The following IPO11 variants were observed in gnomAD, a reference collection of about 807,000 sequenced individuals.
IPO11 encodes importin-11.
A neutral mutation model predicts 143.2 loss-of-function variants in IPO11; 66 were observed. The ratio of observed to expected loss-of-function variants is 0.46; its 90% CI spans 0.38 to 0.57. IPO11 has a LOEUF of 0.57. Ranked by LOEUF, IPO11 falls within the 20% of genes least tolerant of loss-of-function variation. The pLI is 0.00. For synonymous variants in IPO11, 385 were observed against 377.8 expected (o/e 1.02, Z -0.22); for missense variants, 1,026 against 1,141.0 (o/e 0.90, Z 1.45).
At chr5:62,561,289 T>C in intron 27 of IPO11, 32 bp downstream of exon 27, 1 of 1,220,820 alleles carries the variant, frequency 8.2e-7, no homozygotes, top group Non-Finnish European at 1.1e-6. Context: ...ATTTGTTTCT[T>C]TCAAGCATCA....
At chr5:62,430,903 C>T (rs904689804) in intron 1 of IPO11, among the ~76,000 whole-genome samples, 1 of 151,862 alleles carries the variant, frequency 6.6e-6, no homozygotes, top group Non-Finnish European at 1.5e-5. Context: ...TTCTTGAACT[C>T]CTGACCTCAG....
intron 28 of IPO11, chr5:62,601,330 G>A (rs995963338): frequency 6.5e-6 from 1 of 152,916 alleles, no homozygotes; most frequent in African/African-American, 2.4e-5. Context: ...ACACAAGGTA[G>A]ATTGTTACAT....
At chr5:62,515,579 A>T (rs535175888) in intron 20 of IPO11, 78 bp downstream of exon 20, 1 of 828,542 alleles carries the variant, frequency 1.2e-6, no homozygotes, top group Non-Finnish European at 1.8e-6. Flanking sequence ...AATTGTTTTT[A>T]TGTGATTTAT....
intron 20 of IPO11, among the ~76,000 whole-genome samples, chr5:62,523,806 G>A (rs1009567830): frequency 6.6e-6 from 1 of 152,138 alleles, no homozygotes; most frequent in Non-Finnish European, 1.5e-5. Context: ...TCAGAGAGTT[G>A]TTGTAGATAT....
Position 62,551,287 on chromosome 5 carries a change from G to GT in IPO11, c.2419dup (p.Ser807PhefsTer5). 25 of 1,608,968 alleles carry GT rather than the reference G, an allele frequency of 1.6e-5. No homozygotes were observed. The highest frequency in any genetic ancestry group is 1.7e-5 in the Non-Finnish European group (20 of 1,176,862). ...GGTCGAGTTCTACTACAAAACACTA[G>GT]TTTTTTTTCTTCACTACTTAATGAG... is the stretch of plus-strand genomic sequence containing the variant. On this transcript the variant is annotated frameshift_variant, in exon 26 of 30. Coordinates refer to ENST00000325324, the MANE Select transcript of IPO11 (RefSeq NM_016338.5). LOFTEE classifies it high-confidence loss of function.
At chr5:62,435,178 A>ATATGTATATATATGTATATATATG (rs1222515440) in intron 1 of IPO11, among the ~76,000 whole-genome samples, 8 of 75,984 alleles carry the variant, frequency 1.1e-4, no homozygotes, top group African/African-American at 3.5e-4. Context: ...ATATGTATAT[A>ATATGTATATATATGTATATATATG]TGTATATATA....
At chr5:62,488,714 G>A (rs1199285665) in intron 13 of IPO11, among the ~76,000 whole-genome samples, 2 of 152,160 alleles carry the variant, frequency 1.3e-5, no homozygotes, top group African/African-American at 2.4e-5. Flanking sequence ...TTGTCAGAAT[G>A]AGTGTTGGCC....
intron 20 of IPO11, among the ~76,000 whole-genome samples, chr5:62,522,421 A>C (rs1052123986): frequency 6.6e-6 from 1 of 151,994 alleles, no homozygotes; most frequent in Admixed American, 6.5e-5. Context: ...AGTAGCTGGG[A>C]CTACAGGCAT....
Position 62,458,138 on chromosome 5 carries a change from C to G in IPO11, c.516+6205C>G, listed in dbSNP as rs530186152. Among the ~76,000 whole-genome samples, 70 of 135,332 alleles carry G rather than the reference C, an allele frequency of 5.2e-4. 1 individual carries two copies. The highest frequency in any genetic ancestry group is 1.9e-3 in the African/African-American group (67 of 35,784). 88.8% of individuals were successfully genotyped at this position (135,332 alleles called of 152,430 possible). On this transcript the variant is annotated intron_variant, in intron 5 of 29. Coordinates refer to ENST00000325324, the MANE Select transcript of IPO11 (RefSeq NM_016338.5). ...CTCCAGCCTGGGCGACAGAGCGAGA[C>G]TCTGTCTCAAAAAAAAAAAAAAAAA... is the stretch of plus-strand genomic sequence containing the variant.
Position 62,449,991 on chromosome 5 carries a change from A to T in IPO11, c.304A>T (p.Ile102Leu). Reference protein sequence around the residue: ...AGLITNFNEPINQIATQIAVL... With the variant: ...AGLITNFNEPLNQIATQIAVL... ...GCTCATCACCAACTTCAATGAACCA[A>T]TAAACCAGGTTAGTGAGAAATGAAT... Residue 102 changes from isoleucine to leucine, a missense_variant, in exon 4 of 30, where the codon ATA becomes TTA. Coordinates refer to ENST00000325324, the MANE Select transcript of IPO11 (RefSeq NM_016338.5). 1 of 1,596,656 alleles carries T rather than the reference A, an allele frequency of 6.3e-7. No individual in the cohort carries two copies. The highest frequency in any genetic ancestry group is 8.5e-7 in the Non-Finnish European group (1 of 1,172,522).
intron 28 of IPO11, among the ~76,000 whole-genome samples, chr5:62,598,418 T>TTCTTTCTCTCTC: frequency 1.1e-4 from 1 of 9,412 alleles, no homozygotes; most frequent in Non-Finnish European, 1.6e-4. Context: ...CTTTCTTTCT[T>TTCTTTCTCTCTC]TCTTTCTTTC....
At chr5:62,488,465 A>G (rs1265861060) in intron 13 of IPO11, among the ~76,000 whole-genome samples, 1 of 152,220 alleles carries the variant, frequency 6.6e-6, no homozygotes, top group Non-Finnish European at 1.5e-5. Context: ...TGTGCTAGGC[A>G]AGGAAAAGTG....
chr5:62,450,616 G>T (rs181784), intron 4 of IPO11, among the ~76,000 whole-genome samples: 13,661 of 147,602 alleles, frequency 0.093, 666 homozygotes, highest in East Asian at 0.15. Context: ...TACTGCACAA[G>T]AATTAATTTT....
intron 16 of IPO11, among the ~76,000 whole-genome samples, chr5:62,500,112 C>T (rs1741298546): frequency 6.6e-6 from 1 of 152,170 alleles, no homozygotes; most frequent in African/African-American, 2.4e-5. Context: ...TGATGAAACC[C>T]TGTCTCCACA....
intron 19 of IPO11, among the ~76,000 whole-genome samples, chr5:62,510,233 T>G (rs1741698197): frequency 6.6e-6 from 1 of 152,196 alleles, no homozygotes; most frequent in South Asian, 2.1e-4. Flanking sequence ...ACCTTTGTAT[T>G]ATAATCTTAT....
intron 19 of IPO11, among the ~76,000 whole-genome samples, chr5:62,513,533 G>GGT: frequency 6.9e-6 from 1 of 145,030 alleles, no homozygotes; most frequent in African/African-American, 2.5e-5. Context: ...GGCTGGCCGG[G>GGT]CGGGGGGCTG....
At chr5:62,486,268 C>T (rs954167987) in intron 12 of IPO11, among the ~76,000 whole-genome samples, 1 of 152,196 alleles carries the variant, frequency 6.6e-6, no homozygotes, top group African/African-American at 2.4e-5. Flanking sequence ...GCGTGAGCCA[C>T]TGTGCCTGGC....
intron 13 of IPO11, among the ~76,000 whole-genome samples, chr5:62,488,749 T>A (rs1391896033): frequency 1.3e-5 from 2 of 152,188 alleles, no homozygotes; most frequent in African/African-American, 4.8e-5. Flanking sequence ...ACGCCTGTAA[T>A]TCCAGCACTT....
intron 3 of IPO11, among the ~76,000 whole-genome samples, chr5:62,447,856 G>T (rs1190075977): frequency 2.0e-5 from 3 of 152,012 alleles, no homozygotes; most frequent in Non-Finnish European, 4.4e-5. Flanking sequence ...CAAAGTGCTG[G>T]TATTACAGTC....
Sources: allele counts gnomAD v4.1 joint callset (sites outside exome capture counted in the v4.1 genomes callset), GRCh38; gene constraint gnomAD v4.1.1; transcripts MANE v1.5; gene names NCBI Gene and HGNC (gene_info 2026-07-23, HGNC 2026-07-21).